The following OSBPL8 variants were observed in gnomAD, a reference collection of about 807,000 sequenced individuals.
OSBPL8 encodes oxysterol binding protein like 8, also known as oxysterol-binding protein-related protein 8.
A neutral mutation model predicts 125.5 loss-of-function variants in OSBPL8; 59 were observed. The ratio of observed to expected loss-of-function variants is 0.47; its 90% CI spans 0.38 to 0.58. OSBPL8 has a LOEUF of 0.58. Ranked by LOEUF, OSBPL8 falls within the 20% of genes least tolerant of loss-of-function variation. The pLI, the probability that OSBPL8 is intolerant of heterozygous loss-of-function variation, is 0.00. For synonymous variants in OSBPL8, 330 were observed against 338.9 expected (o/e 0.97, Z 0.29); for missense variants, 758 against 1,047.8 (o/e 0.72, Z 3.82).
intron 10 of OSBPL8, 118 bp from the exon 11 acceptor site, chr12:76,390,775 G>A (rs1217397516): frequency 1.5e-6 from 1 of 662,022 alleles, no homozygotes; most frequent in African/African-American, 1.8e-5. Flanking sequence ...AGTGTTCTAA[G>A]TGTTTTACAT....
intron 1 of OSBPL8, among the ~76,000 whole-genome samples, chr12:76,558,167 A>T (rs1951166417): frequency 6.6e-6 from 1 of 152,196 alleles, no homozygotes; most frequent in Non-Finnish European, 1.5e-5. Context: ...AATTAGTTGT[A>T]CTTTTATAGA....
At chr12:76,525,337 T>C (rs1950143593) in intron 1 of OSBPL8, among the ~76,000 whole-genome samples, 1 of 152,168 alleles carries the variant, frequency 6.6e-6, no homozygotes, top group South Asian at 2.1e-4. Flanking sequence ...TCTCTGAAGG[T>C]CTTTTTAAAA....
At chr12:76,371,358 G>C (rs1443956890) in intron 19 of OSBPL8, 90 bp downstream of exon 19, 1 of 1,355,340 alleles carries the variant, frequency 7.4e-7, no homozygotes, top group African/African-American at 1.5e-5. Flanking sequence ...ATTAAGATAT[G>C]ACAGAAGGTG....
chr12:76,394,979 C>T (rs1005182702), intron 8 of OSBPL8, among the ~76,000 whole-genome samples: 5 of 152,092 alleles, frequency 3.3e-5, no homozygotes, highest in African/African-American at 7.2e-5. Context: ...CTACATACTG[C>T]TTACATACTA....
chr12:76,487,992 G>A (rs897032003), intron 1 of OSBPL8, among the ~76,000 whole-genome samples: 1 of 152,178 alleles, frequency 6.6e-6, no homozygotes, highest in East Asian at 1.9e-4. Flanking sequence ...ATATTCTCAT[G>A]TACTTTTGTT....
intron 5 of OSBPL8, among the ~76,000 whole-genome samples, chr12:76,406,537 T>C (rs1954268743): frequency 6.6e-6 from 1 of 152,210 alleles, no homozygotes; most frequent in Non-Finnish European, 1.5e-5. Flanking sequence ...CTACTTTGTT[T>C]GGGATAATCT....
intron 1 of OSBPL8, among the ~76,000 whole-genome samples, chr12:76,548,694 G>T (rs1031554612): frequency 2.6e-5 from 4 of 152,046 alleles, no homozygotes; most frequent in African/African-American, 9.7e-5. Context: ...CCAAGAGACA[G>T]ATCCTACTCT....
At chr12:76,432,922 G>A (rs1303368468) in intron 4 of OSBPL8, among the ~76,000 whole-genome samples, 1 of 152,112 alleles carries the variant, frequency 6.6e-6, no homozygotes, top group South Asian at 2.1e-4. Context: ...TGGTCAAATG[G>A]CATGCAAGGA....
intron 3 of OSBPL8, among the ~76,000 whole-genome samples, chr12:76,451,342 A>G (rs1225932552): frequency 6.6e-6 from 1 of 151,974 alleles, no homozygotes; most frequent in African/African-American, 2.4e-5. Flanking sequence ...CATTTCCCAA[A>G]AAAAAAAATA....
In OSBPL8 at chr12:76,369,194, C is replaced by G. The variant is rs966683989; in HGVS notation, c.2328+20G>C. On this transcript the variant is annotated intron_variant, in intron 21 of 23. Transcript: ENST00000261183. ...TTAACAGATTTATATACCTAGTGTA[C>G]CTAGTTTTTTATTACATACCATTGG... 6.3e-7 allele frequency: 1 copy of G among 1,598,122 alleles called. No homozygotes were observed.
chr12:76,474,124 T>C (rs1482418626), intron 2 of OSBPL8, among the ~76,000 whole-genome samples: 1 of 152,204 alleles, frequency 6.6e-6, no homozygotes, highest in Non-Finnish European at 1.5e-5. Flanking sequence ...GTGTAGAATG[T>C]GCTTAATGAA....
intron 4 of OSBPL8, among the ~76,000 whole-genome samples, chr12:76,435,304 A>G (rs1176651248): frequency 1.3e-5 from 2 of 152,300 alleles, no homozygotes; most frequent in African/African-American, 4.8e-5. Flanking sequence ...AGACATGGAA[A>G]GACAAATACT....
rs78580822 is a variant in OSBPL8 at position 76,442,689 on chromosome 12, T to C, written c.217+8162A>G. 7.9e-3 allele frequency among the ~76,000 whole-genome samples: 1,198 copies of C among 152,226 alleles called. 17 individuals are homozygous for C. Among genetic ancestry groups the C allele is most frequent in the African/African-American group, 0.027 (1,135 of 41,522 alleles). ...AAAATATAACATATTCAAGAACACA[T>C]TTGTTATATGTGTACAGTCCCACAT... On this transcript the variant is annotated intron_variant, in intron 4 of 23. Transcript: ENST00000261183.
At chr12:76,418,090 A>G (rs1868960846) in intron 4 of OSBPL8, among the ~76,000 whole-genome samples, 1 of 137,524 alleles carries the variant, frequency 7.3e-6, no homozygotes, top group Non-Finnish European at 1.5e-5. Flanking sequence ...ATCTCAGCTC[A>G]CCACAACCTC....
intron 4 of OSBPL8, among the ~76,000 whole-genome samples, chr12:76,424,021 G>C (rs1028081818): frequency 4.0e-5 from 6 of 151,502 alleles, no homozygotes; most frequent in African/African-American, 9.7e-5. Context: ...GGTTTTTTTT[G>C]AGATGGAGTC....
At chr12:76,520,590 A>G (rs1458808915) in intron 1 of OSBPL8, among the ~76,000 whole-genome samples, 1 of 152,170 alleles carries the variant, frequency 6.6e-6, no homozygotes, top group Non-Finnish European at 1.5e-5. Flanking sequence ...TTAGCCAAAC[A>G]AAGTATGGCA....
At chr12:76,383,595 T>C (rs1270611021) in intron 15 of OSBPL8, among the ~76,000 whole-genome samples, 1 of 152,146 alleles carries the variant, frequency 6.6e-6, no homozygotes, top group African/African-American at 2.4e-5. Context: ...TCCTTTTTTA[T>C]CATAATGATT....
chr12:76,449,968 C>CA (rs1873186203), intron 4 of OSBPL8, among the ~76,000 whole-genome samples: 2 of 151,626 alleles, frequency 1.3e-5, no homozygotes, highest in African/African-American at 4.9e-5. Flanking sequence ...TAAACCCCCC[C>CA]CATATATATA....
intron 4 of OSBPL8, among the ~76,000 whole-genome samples, chr12:76,424,715 A>T (rs1312620147): frequency 6.6e-6 from 1 of 152,198 alleles, no homozygotes; most frequent in Non-Finnish European, 1.5e-5. Context: ...GATTGTTATG[A>T]GGATTAAATC....
Sources: gnomAD v4.1 joint callset for allele counts (sites outside exome capture counted in the v4.1 genomes callset) on GRCh38, gnomAD v4.1.1 for gene constraint, MANE v1.5 for transcripts, NCBI Gene and HGNC (gene_info 2026-07-23, HGNC 2026-07-21) for gene names.